NKAIN2: variants seen among roughly 807,000 people sequenced by gnomAD.
NKAIN2 encodes the protein sodium/potassium transporting ATPase interacting 2, also known as sodium/potassium-transporting ATPase subunit beta-1-interacting protein 2.
A neutral mutation model predicts 32.6 loss-of-function variants in NKAIN2; 14 were observed. That is an observed-to-expected ratio of 0.43 (90% CI 0.28 to 0.67). The LOEUF (loss-of-function observed/expected upper bound fraction) is 0.67, where lower values mean the gene tolerates loss of function less well. Ranked by LOEUF, NKAIN2 falls within the 30% of genes least tolerant of loss-of-function variation. NKAIN2 has a pLI of 0.17. For synonymous variants in NKAIN2, 80 were observed against 87.2 expected, an observed-to-expected ratio of 0.92 and a Z score of 0.46; for missense variants, 198 against 258.3, an observed-to-expected ratio of 0.77 and a Z score of 1.60.
intron 1 of NKAIN2, among the ~76,000 whole-genome samples, chr6:124,210,343 T>C (rs1204140817): frequency 6.6e-6 from 1 of 151,972 alleles, no homozygotes; most frequent in East Asian, 1.9e-4. Flanking sequence ...ACTATAACTA[T>C]GTAGTATAGT....
intron 3 of NKAIN2, among the ~76,000 whole-genome samples, chr6:124,564,369 A>T (rs112072434): frequency 5.3e-5 from 8 of 152,232 alleles, no homozygotes; most frequent in African/African-American, 1.7e-4. Context: ...TGGACCAATC[A>T]GCACTCTATA....
intron 1 of NKAIN2, among the ~76,000 whole-genome samples, chr6:124,131,857 C>G (rs1425379182): frequency 6.6e-6 from 1 of 152,084 alleles, no homozygotes; most frequent in African/African-American, 2.4e-5. Flanking sequence ...ATGATCACTT[C>G]TACTAGGCAC....
At chr6:124,693,547 AGAT>A (rs1473192989) in intron 4 of NKAIN2, among the ~76,000 whole-genome samples, 1 of 152,220 alleles carries the variant, frequency 6.6e-6, no homozygotes, top group Non-Finnish European at 1.5e-5. Context: ...AAAAAAGCCC[AGAT>A]AATAGGGTGA....
intron 1 of NKAIN2, among the ~76,000 whole-genome samples, chr6:123,824,521 C>G (rs946013866): frequency 3.3e-5 from 5 of 151,924 alleles, no homozygotes; most frequent in African/African-American, 1.2e-4. Flanking sequence ...TCCTATGCAC[C>G]TCACTTGCCT....
At chr6:124,365,058 T>C (rs138465976) in intron 3 of NKAIN2, among the ~76,000 whole-genome samples, 1 of 151,900 alleles carries the variant, frequency 6.6e-6, no homozygotes, top group East Asian at 1.9e-4. Context: ...AAAAACTAAG[T>C]ATAGGTGAAA....
chr6:124,687,486 T>G (rs1028037366), intron 4 of NKAIN2, among the ~76,000 whole-genome samples: 7 of 68,422 alleles, frequency 1.0e-4, no homozygotes, highest in Non-Finnish European at 2.1e-4. Context: ...AATATATATA[T>G]TCCATACATA....
At chr6:124,726,500 G>GT (rs753459957) in intron 4 of NKAIN2, among the ~76,000 whole-genome samples, 9,141 of 146,086 alleles carry the variant, frequency 0.063, 346 homozygotes, top group African/African-American at 0.092. Flanking sequence ...TGAGGGTCCT[G>GT]CTGTTAGAAG....
chr6:124,325,220 T>C (rs1314472257), intron 2 of NKAIN2, among the ~76,000 whole-genome samples: 1 of 152,134 alleles, frequency 6.6e-6, no homozygotes, highest in African/African-American at 2.4e-5. Context: ...AGGTTCAATG[T>C]AGATTTAACA....
intron 3 of NKAIN2, among the ~76,000 whole-genome samples, chr6:124,506,686 C>CTACTGG (rs1778496948): frequency 6.6e-6 from 1 of 151,762 alleles, no homozygotes. Flanking sequence ...TCTCTGTAAA[C>CTACTGG]TACTGGTATC....
intron 1 of NKAIN2, among the ~76,000 whole-genome samples, chr6:124,225,067 A>G (rs963970514): frequency 6.6e-6 from 1 of 152,044 alleles, no homozygotes; most frequent in Non-Finnish European, 1.5e-5. Context: ...CTTTCATTCT[A>G]GAGATGTTTA....
chr6:124,141,157 G>A (rs1216264967), intron 1 of NKAIN2, among the ~76,000 whole-genome samples: 2 of 152,148 alleles, frequency 1.3e-5, no homozygotes, highest in African/African-American at 2.4e-5. Flanking sequence ...GATAGTGGAA[G>A]CAATTGTGCG....
At chr6:124,366,784 C>T (rs1231004588) in intron 3 of NKAIN2, among the ~76,000 whole-genome samples, 1 of 151,848 alleles carries the variant, frequency 6.6e-6, no homozygotes, top group African/African-American at 2.4e-5. Flanking sequence ...AAAAATTAGC[C>T]AGGCATGGTG....
chr6:124,779,241 CAAAGAAAGAGAGAGAGAG>C (rs1220736996), intron 4 of NKAIN2, among the ~76,000 whole-genome samples: 2 of 90,994 alleles, frequency 2.2e-5, no homozygotes, highest in African/African-American at 8.4e-5. Flanking sequence ...CAGACTCCAA[CAAAGAAAGAGAGAGAGAG>C]AGAGAGAGAG....
intron 4 of NKAIN2, among the ~76,000 whole-genome samples, chr6:124,781,764 T>C (rs1259880222): frequency 1.3e-5 from 2 of 152,126 alleles, no homozygotes; most frequent in Non-Finnish European, 2.9e-5. Flanking sequence ...AGAACACCAA[T>C]TATAGCCAAG....
chr6:124,270,607 G>A (rs1414779555), intron 1 of NKAIN2, among the ~76,000 whole-genome samples: 1 of 152,066 alleles, frequency 6.6e-6, no homozygotes, highest in Admixed American at 6.5e-5. Flanking sequence ...TTTTTATTTG[G>A]CTTTTACTGA....
intron 1 of NKAIN2, among the ~76,000 whole-genome samples, chr6:124,267,701 T>C (rs775928541): frequency 1.3e-5 from 2 of 152,198 alleles, no homozygotes; most frequent in Non-Finnish European, 2.9e-5. Flanking sequence ...ATCCAAAATA[T>C]TTTTAAAGCA....
intron 4 of NKAIN2, among the ~76,000 whole-genome samples, chr6:124,756,484 C>A (rs895164356): frequency 7.9e-5 from 12 of 152,076 alleles, no homozygotes; most frequent in African/African-American, 2.7e-4. Context: ...TTCCACACTG[C>A]TGGATATTGA....
chr6:124,732,195 C>G (rs1213828560), intron 4 of NKAIN2, among the ~76,000 whole-genome samples: 6 of 152,014 alleles, frequency 3.9e-5, no homozygotes, highest in Non-Finnish European at 8.8e-5. Flanking sequence ...CTTCTCCAGC[C>G]CTTCCTTTAC....
intron 1 of NKAIN2, among the ~76,000 whole-genome samples, chr6:123,852,920 A>G (rs1775409800): frequency 6.6e-6 from 1 of 152,176 alleles, no homozygotes; most frequent in African/African-American, 2.4e-5. Flanking sequence ...AATAAGGCAA[A>G]TATGTGCTAT....
Sources: gnomAD v4.1 joint callset for allele counts (sites outside exome capture counted in the v4.1 genomes callset) on GRCh38, gnomAD v4.1.1 for gene constraint, MANE v1.5 for transcripts, NCBI Gene and HGNC (gene_info 2026-07-23, HGNC 2026-07-21) for gene names.